Variants in PRKN observed in about 807,000 individuals in gnomAD.
The protein encoded by PRKN is parkin RBR E3 ubiquitin protein ligase, also known as E3 ubiquitin-protein ligase parkin.
A neutral mutation model predicts 59.5 loss-of-function variants in PRKN; 56 were observed. That is an observed-to-expected ratio of 0.94 (90% CI 0.76 to 1.18). PRKN has a LOEUF of 1.18. Ranked by LOEUF, PRKN falls within the 50% of genes most tolerant of loss-of-function variation. The pLI, the probability that PRKN is intolerant of heterozygous loss-of-function variation, is 0.00. For synonymous variants in PRKN, 250 were observed against 222.1 expected, an observed-to-expected ratio of 1.13 and a Z score of -1.12; for missense variants, 657 against 596.4, an observed-to-expected ratio of 1.10 and a Z score of -1.06.
intron 5 of PRKN, among the ~76,000 whole-genome samples, chr6:162,010,599 T>TATATA (rs1782519002): frequency 2.3e-4 from 1 of 4,412 alleles, no homozygotes; most frequent in Non-Finnish European, 2.9e-4. Context: ...TATAATATAA[T>TATATA]ATATATTATA....
At chr6:162,564,049 A>T (rs1779958732) in intron 1 of PRKN, among the ~76,000 whole-genome samples, 1 of 152,076 alleles carries the variant, frequency 6.6e-6, no homozygotes, top group Admixed American at 6.5e-5. Context: ...TAAAAGGGTA[A>T]ATCTAAGAGT....
At chr6:161,664,793 CTTT>C (rs60215581) in intron 7 of PRKN, among the ~76,000 whole-genome samples, 1 of 145,346 alleles carries the variant, frequency 6.9e-6, no homozygotes. Flanking sequence ...CTGACTTTTT[CTTT>C]TTTTTTTTTT....
At chr6:162,474,953 T>C (rs1174171559) in intron 1 of PRKN, among the ~76,000 whole-genome samples, 1 of 152,146 alleles carries the variant, frequency 6.6e-6, no homozygotes, top group Non-Finnish European at 1.5e-5. Flanking sequence ...AATGTCAAAA[T>C]AAAATTCAAA....
intron 5 of PRKN, among the ~76,000 whole-genome samples, chr6:162,013,365 T>C (rs1782809681): frequency 6.6e-6 from 1 of 152,142 alleles, no homozygotes; most frequent in Non-Finnish European, 1.5e-5. Flanking sequence ...CTTTCTTTTC[T>C]GGTGTAAGAA....
At chr6:161,980,052 G>A (rs558676066) in intron 5 of PRKN, among the ~76,000 whole-genome samples, 1 of 152,100 alleles carries the variant, frequency 6.6e-6, no homozygotes, top group Non-Finnish European at 1.5e-5. Context: ...TACTATAAAG[G>A]TAGATGACAA....
At chr6:162,082,562 G>A (rs1451019079) in intron 4 of PRKN, among the ~76,000 whole-genome samples, 5 of 152,128 alleles carry the variant, frequency 3.3e-5, no homozygotes, top group Non-Finnish European at 1.5e-5. Flanking sequence ...TTTCCTTCAA[G>A]GAATTTTCCT....
At chr6:161,715,813 T>G (rs1786950740) in intron 7 of PRKN, among the ~76,000 whole-genome samples, 1 of 152,160 alleles carries the variant, frequency 6.6e-6, no homozygotes, top group African/African-American at 2.4e-5. Flanking sequence ...GGGAAGCTTC[T>G]CAGTCCTCAC....
rs1784757316 is a variant in PRKN, at chr6:161,356,473, A to G, written c.1285+3615T>C. 1.3e-5 allele frequency among the ~76,000 whole-genome samples: 2 copies of G among 152,194 alleles called. No homozygotes were observed. The highest frequency in any genetic ancestry group is 2.1e-4 in the South Asian group (1 of 4,832). On this transcript the variant is annotated intron_variant, in intron 11 of 11. Transcript: ENST00000366898. The surrounding 1 kb of genome is among the most constrained non-coding windows in gnomAD (Gnocchi z 7.8). The stretch of plus-strand genomic sequence containing the variant: ...TGGCCTTTGAGAAGTCTACACGTCT[A>G]TGTAGAGGACGGATCATAAATATGC...
intron 5 of PRKN, among the ~76,000 whole-genome samples, chr6:162,012,915 G>C (rs1452831064): frequency 1.3e-5 from 2 of 152,080 alleles, no homozygotes; most frequent in Non-Finnish European, 2.9e-5. Flanking sequence ...GGTTCAGGTG[G>C]TTCCTGCCAG....
At chr6:162,176,463 T>A (rs1783540969) in intron 4 of PRKN, among the ~76,000 whole-genome samples, 1 of 152,144 alleles carries the variant, frequency 6.6e-6, no homozygotes, top group Non-Finnish European at 1.5e-5. Context: ...AGGTGATATA[T>A]TGATATGTTG....
In PRKN at chr6:162,466,591, G is replaced by A. The variant is rs150825348; in HGVS notation, c.8-23118C>T. On this transcript the variant is annotated intron_variant, in intron 1 of 11. Transcript: ENST00000366898. ...TTTTTTTATTCTTGTTTTTTTTTTA[G>A]AGACAGGAGTCTCACTATGTTGCCC... Among the ~76,000 whole-genome samples, 1,250 of 151,602 alleles carry A rather than the reference G, an allele frequency of 8.2e-3. 23 individuals are homozygous for A. Among genetic ancestry groups the A allele is most frequent in the African/African-American group, 0.029 (1,197 of 41,316 alleles).
intron 2 of PRKN, among the ~76,000 whole-genome samples, chr6:162,345,450 A>G (rs1026124048): frequency 3.9e-5 from 6 of 152,202 alleles, no homozygotes; most frequent in African/African-American, 1.2e-4. Context: ...GACTGAATAC[A>G]TTGTGCAATG....
intron 2 of PRKN, among the ~76,000 whole-genome samples, chr6:162,322,301 A>G (rs2128122041): frequency 6.6e-6 from 1 of 152,212 alleles, no homozygotes; most frequent in East Asian, 1.9e-4. Flanking sequence ...ATTAAAGAAG[A>G]AAGACCTAAA....
At chr6:162,151,877 GTTACAGGATAATTAAT>G (rs141393645) in intron 4 of PRKN, among the ~76,000 whole-genome samples, 8,489 of 152,208 alleles carry the variant, frequency 0.056, 275 homozygotes, top group Middle Eastern at 0.11. Flanking sequence ...ACTGCCCAGA[GTTACAGGATAATTAAT>G]TTACACTGAT....
At chr6:162,059,270 GGT>G (rs1777997774) in intron 4 of PRKN, among the ~76,000 whole-genome samples, 1 of 152,066 alleles carries the variant, frequency 6.6e-6, no homozygotes, top group Non-Finnish European at 1.5e-5. Flanking sequence ...ATAACACAAT[GGT>G]GTAAGTAGTA....
At position 162,011,457 on chromosome 6, in the gene PRKN, A is replaced by ATATTATATATTTTATAATATATATAT. The variant is rs1256107727; in HGVS notation, c.619-38041_619-38040insATATATATATTATAAAATATATAATA. Among the ~76,000 whole-genome samples the ATATTATATATTTTATAATATATATAT allele has an allele frequency of 1.3e-3, 44 of 34,932 alleles. 10 individuals carry two copies. Among genetic ancestry groups the ATATTATATATTTTATAATATATATAT allele is most frequent in the African/African-American group, 6.7e-3 (42 of 6,278 alleles). 22.9% of individuals were successfully genotyped at this position (34,932 alleles called of 152,430 possible). ...ATGTTATATATTTATAATATATAAT[A>ATATTATATATTTTATAATATATATAT]TATATATTATAATATATAATATATT... On this transcript the variant is annotated intron_variant, in intron 5 of 11. Coordinates refer to ENST00000366898, the MANE Select transcript of PRKN (RefSeq NM_004562.3).
intron 4 of PRKN, among the ~76,000 whole-genome samples, chr6:162,060,638 T>C (rs1019807450): frequency 6.6e-6 from 1 of 152,214 alleles, no homozygotes; most frequent in Non-Finnish European, 1.5e-5. Flanking sequence ...CATATCCAAA[T>C]ATTATTCAGA....
chr6:162,387,234 CA>C (rs34452454), intron 2 of PRKN, among the ~76,000 whole-genome samples: 1,455 of 101,180 alleles, frequency 0.014, 7 homozygotes, highest in African/African-American at 0.029. Flanking sequence ...AAAAAATAAG[CA>C]AAAAAAAAAA....
intron 10 of PRKN, among the ~76,000 whole-genome samples, chr6:161,384,458 G>A (rs1453813810): frequency 6.6e-6 from 1 of 152,146 alleles, no homozygotes; most frequent in Non-Finnish European, 1.5e-5. Context: ...TGGCAGGGTT[G>A]CCTGAGCCAA....
Sources: allele counts gnomAD v4.1 joint callset (sites outside exome capture counted in the v4.1 genomes callset), GRCh38; gene constraint gnomAD v4.1.1; non-coding constraint Gnocchi (gnomAD v3.1); transcripts MANE v1.5; gene names NCBI Gene and HGNC (gene_info 2026-07-23, HGNC 2026-07-21).